MAP3K5: variants seen among roughly 807,000 people sequenced by gnomAD.
The protein encoded by MAP3K5 is mitogen-activated protein kinase kinase kinase 5.
A neutral mutation model predicts 158.7 loss-of-function variants in MAP3K5; 56 were observed. That is an observed-to-expected ratio of 0.35 (90% CI 0.28 to 0.44). The LOEUF (loss-of-function observed/expected upper bound fraction) is 0.44, where lower values mean the gene tolerates loss of function less well. Among genes scored for constraint, MAP3K5 ranks in the 20% least tolerant of loss-of-function variants. The pLI is 1.00. For missense variants in MAP3K5, 1,294 were observed against 1,674.8 expected (o/e 0.77, Z 3.97); for synonymous variants, 579 against 601.7 (o/e 0.96, Z 0.55).
intron 25 of MAP3K5, among the ~76,000 whole-genome samples, chr6:136,579,309 A>T (rs550686745): frequency 1.3e-5 from 2 of 152,196 alleles, no homozygotes; most frequent in South Asian, 4.2e-4. Flanking sequence ...CTATCAAAAC[A>T]CGTTGGAGGT....
chr6:136,764,828 T>C (rs1582664628), intron 1 of MAP3K5, among the ~76,000 whole-genome samples: 1 of 152,340 alleles, frequency 6.6e-6, no homozygotes, highest in Admixed American at 6.5e-5. Context: ...AGAGAGATTA[T>C]GTAAGAGGCA....
chr6:136,624,364 A>C (rs1776942368), intron 14 of MAP3K5, among the ~76,000 whole-genome samples: 1 of 152,220 alleles, frequency 6.6e-6, no homozygotes, highest in Admixed American at 6.5e-5. Flanking sequence ...CACAAATATC[A>C]ACCACAATAG....
At chr6:136,790,079 C>T (rs1161730903) in intron 1 of MAP3K5, among the ~76,000 whole-genome samples, 1 of 152,116 alleles carries the variant, frequency 6.6e-6, no homozygotes, top group East Asian at 1.9e-4. Flanking sequence ...AGTTAGGGAT[C>T]CCTGGGTTTT....
chr6:136,642,502 T>C lies in MAP3K5; in HGVS notation c.1838+18A>G, dbSNP rs780951988. 1.6e-5 allele frequency: 25 copies of C among 1,584,148 alleles called. No individual in the cohort carries two copies. Among genetic ancestry groups the C allele is most frequent in the Non-Finnish European group, 2.1e-5 (24 of 1,153,554 alleles). On this transcript the variant is annotated intron_variant, in intron 12 of 29. Transcript: ENST00000359015. ...AAAAATGTCTTATAAGTTAACAAAA[T>C]GTACCAAGGAAACTTACCTCACTCC...
intron 27 of MAP3K5, 149 bp downstream of exon 27, chr6:136,562,354 A>AT (rs11322947): frequency 0.028 from 10,170 of 360,260 alleles, 16 homozygotes; most frequent in East Asian, 0.084. Context: ...TAAAAACTGG[A>AT]TTTTTTTTTT....
At chr6:136,689,643 G>A (rs984158773) in intron 7 of MAP3K5, among the ~76,000 whole-genome samples, 2 of 152,090 alleles carry the variant, frequency 1.3e-5, no homozygotes, top group Non-Finnish European at 2.9e-5. Context: ...TAGAGGGAGT[G>A]GGCTCCTTTT....
intron 2 of MAP3K5, among the ~76,000 whole-genome samples, chr6:136,710,310 A>G (rs1781255341): frequency 6.6e-6 from 1 of 151,900 alleles, no homozygotes; most frequent in African/African-American, 2.4e-5. Flanking sequence ...ATCAATATAA[A>G]CTCCAGTTCC....
chr6:136,611,319 C>G lies in MAP3K5; in HGVS notation c.2484G>C (p.Arg828Ser). 1 of 1,613,372 alleles carries G rather than the reference C, an allele frequency of 6.2e-7. No homozygotes were observed. The highest frequency in any genetic ancestry group is 8.5e-7 in the Non-Finnish European group (1 of 1,179,568). The change falls in exon 18 of 30, where the codon AGG (arginine) becomes AGC (serine). Residue 828 changes from arginine to serine, a missense_variant. Arg to Ser is a moderately radical substitution (Grantham distance 110). Around this residue, in one of 5 missense-constraint regions of MAP3K5, gnomAD observed 362 missense variants for 463.2 expected, o/e 0.78. Coordinates refer to ENST00000359015, the MANE Select transcript of MAP3K5 (RefSeq NM_005923.4). ...CAGTACAGGGGTTTATGCCAGCAAGCCTCTTTGATGTTCCGAAGTCAGAGA... is the reference window on the plus strand; with the variant it reads ...CAGTACAGGGGTTTATGCCAGCAAGGCTCTTTGATGTTCCGAAGTCAGAGA... ...LKISDFGTSKRLAGINPCTET... is the reference protein window; with the variant it reads ...LKISDFGTSKSLAGINPCTET...
intron 1 of MAP3K5, among the ~76,000 whole-genome samples, chr6:136,750,893 A>G (rs945557497): frequency 8.5e-5 from 13 of 152,236 alleles, no homozygotes; most frequent in Non-Finnish European, 1.8e-4. Context: ...TCGGGATGTC[A>G]AAAGTTCTGA....
intron 18 of MAP3K5, among the ~76,000 whole-genome samples, chr6:136,606,657 A>T (rs889050104): frequency 8.5e-5 from 13 of 152,234 alleles, no homozygotes; most frequent in Non-Finnish European, 1.5e-5. Flanking sequence ...TACAAATAAT[A>T]TAGTCAGCAA....
At chr6:136,602,077 T>A in intron 19 of MAP3K5, 98 bp from the exon 20 acceptor site, 3 of 874,116 alleles carry the variant, frequency 3.4e-6, no homozygotes, top group East Asian at 5.1e-5. Flanking sequence ...TGCAACAAGA[T>A]CCCTTATCAT....
Position 136,609,950 on chromosome 6 carries a change from A to G in MAP3K5, c.2521+1332T>C, listed in dbSNP as rs1268700622. On this transcript the variant is annotated intron_variant, in intron 18 of 29. Transcript: ENST00000359015. The surrounding 1 kb of genome is among the most constrained non-coding windows in gnomAD (Gnocchi z 4.4). ...CTCAAAACAAAAACAAAAACAAAAA[A>G]CCAGTCTGAGTTCTATCCGGTACAC... 6.6e-6 allele frequency among the ~76,000 whole-genome samples: 1 copy of G among 151,690 alleles called. No homozygotes were observed. The highest frequency in any genetic ancestry group is 1.5e-5 in the Non-Finnish European group (1 of 67,946).
At chr6:136,705,247 A>G (rs1308577447) in intron 2 of MAP3K5, 114 bp from the exon 3 acceptor site, 2 of 507,180 alleles carry the variant, frequency 3.9e-6, no homozygotes, top group Non-Finnish European at 7.0e-6. Flanking sequence ...GCAATTAGAA[A>G]TTTTAGGAAC....
intron 26 of MAP3K5, among the ~76,000 whole-genome samples, chr6:136,566,590 C>T (rs1039234484): frequency 6.6e-6 from 1 of 152,140 alleles, no homozygotes; most frequent in Non-Finnish European, 1.5e-5. Flanking sequence ...AGTTCTTTCC[C>T]ACTAAATAGT....
chr6:136,652,348 TGAAAATAAGATGGGC>T, intron 10 of MAP3K5, among the ~76,000 whole-genome samples: 1 of 152,216 alleles, frequency 6.6e-6, no homozygotes, highest in East Asian at 1.9e-4. Flanking sequence ...TCTCTAGCTG[TGAAAATAAGATGGGC>T]TATGCAACAA....
chr6:136,576,534 T>C (rs2129073537), intron 25 of MAP3K5, among the ~76,000 whole-genome samples: 1 of 152,304 alleles, frequency 6.6e-6, no homozygotes, highest in South Asian at 2.1e-4. Context: ...CTCAAACTCC[T>C]GGCCTCAAGC....
rs138506255 is a variant in MAP3K5 at position 136,688,238 on chromosome 6, G to T, written c.1253+5902C>A. On this transcript the variant is annotated intron_variant, in intron 7 of 29. Coordinates refer to ENST00000359015, the MANE Select transcript of MAP3K5 (RefSeq NM_005923.4). ...GAACAATGAGAACACATGGACACAGGGAGGGGAACATCACACACTGAGACC... is the reference window on the plus strand; with the variant it reads ...GAACAATGAGAACACATGGACACAGTGAGGGGAACATCACACACTGAGACC... Among the ~76,000 whole-genome samples the T allele has an allele frequency of 3.6e-3, 549 of 152,214 alleles. 1 individual carries two copies. The highest frequency in any genetic ancestry group is 0.012 in the African/African-American group (501 of 41,530).
intron 21 of MAP3K5, among the ~76,000 whole-genome samples, chr6:136,594,492 T>C (rs965597564): frequency 2.0e-5 from 3 of 152,158 alleles, no homozygotes; most frequent in Admixed American, 2.0e-4. Flanking sequence ...TGCTATGAGA[T>C]GTCAAGTCCC....
chr6:136,614,637 G>C (rs1776485321), intron 15 of MAP3K5, among the ~76,000 whole-genome samples: 1 of 152,138 alleles, frequency 6.6e-6, no homozygotes, highest in African/African-American at 2.4e-5. Context: ...TCAAACCCAG[G>C]AGAACGGAAA....
Sources: allele counts gnomAD v4.1 joint callset (sites outside exome capture counted in the v4.1 genomes callset), GRCh38; gene constraint gnomAD v4.1.1; regional missense constraint gnomAD v4.1.1; non-coding constraint Gnocchi (gnomAD v3.1); transcripts MANE v1.5; gene names NCBI Gene and HGNC (gene_info 2026-07-23, HGNC 2026-07-21).